The following TRIM24 variants were observed in gnomAD, a reference collection of about 807,000 sequenced individuals.
TRIM24 encodes tripartite motif containing 24, also known as transcription intermediary factor 1-alpha.
In TRIM24, 29 loss-of-function variants were observed where a neutral mutation model predicts 123.9. That is an observed-to-expected ratio of 0.23 (90% CI 0.17 to 0.32). The LOEUF (loss-of-function observed/expected upper bound fraction) is 0.32. Among genes scored for constraint, TRIM24 ranks in the 10% least tolerant of loss-of-function variants. The pLI, the probability that TRIM24 is intolerant of heterozygous loss-of-function variation, is 1.00. For missense variants in TRIM24, 932 were observed against 1,295.3 expected (o/e 0.72, Z 4.31); for synonymous variants, 456 against 461.1 (o/e 0.99, Z 0.14).
chr7:138,483,648 A>G (rs1467781109), intron 1 of TRIM24, among the ~76,000 whole-genome samples: 2 of 152,230 alleles, frequency 1.3e-5, no homozygotes, highest in African/African-American at 4.8e-5. Flanking sequence ...ACAACAGTTT[A>G]TTAGTCACAT....
chr7:138,526,677 C>T (rs1796617086), intron 5 of TRIM24, among the ~76,000 whole-genome samples: 2 of 152,158 alleles, frequency 1.3e-5, no homozygotes, highest in South Asian at 4.1e-4. Flanking sequence ...TCCCAAAGCA[C>T]TGGGATTACA....
intron 7 of TRIM24, among the ~76,000 whole-genome samples, chr7:138,546,197 T>C (rs934122783): frequency 3.9e-5 from 6 of 152,176 alleles, no homozygotes; most frequent in Admixed American, 6.5e-5. Context: ...GTTGACATCC[T>C]ACGTTTCCTG....
chr7:138,539,762 T>A (rs545824201), intron 7 of TRIM24, among the ~76,000 whole-genome samples: 24 of 151,958 alleles, frequency 1.6e-4, no homozygotes, highest in Non-Finnish European at 2.9e-4. Context: ...TAGTATTATG[T>A]TTTTTAAAAA....
intron 6 of TRIM24, among the ~76,000 whole-genome samples, chr7:138,536,258 A>G (rs904167122): frequency 6.6e-6 from 1 of 152,162 alleles, no homozygotes; most frequent in African/African-American, 2.4e-5. Flanking sequence ...GTTGCTGTCT[A>G]GGAGCTGCGT....
At chr7:138,565,703 C>T (rs1399321563) in intron 9 of TRIM24, among the ~76,000 whole-genome samples, 3 of 152,180 alleles carry the variant, frequency 2.0e-5, no homozygotes, top group East Asian at 3.9e-4. Flanking sequence ...AAAGGCTAGG[C>T]CCTGAACAAA....
At chr7:138,563,457 C>G (rs1022910574) in intron 9 of TRIM24, among the ~76,000 whole-genome samples, 3 of 152,188 alleles carry the variant, frequency 2.0e-5, no homozygotes, top group Non-Finnish European at 4.4e-5. Context: ...CACCCTCTTG[C>G]AATGCTAGTT....
intron 2 of TRIM24, among the ~76,000 whole-genome samples, chr7:138,508,722 T>TGTGC (rs1554436726): frequency 0.025 from 3,041 of 124,082 alleles, 49 homozygotes; most frequent in Non-Finnish European, 0.03. Context: ...TGTGTGTGCG[T>TGTGC]GTGTGTGTGT....
intron 7 of TRIM24, among the ~76,000 whole-genome samples, chr7:138,539,219 TGTCTAAC>T (rs1796952623): frequency 6.6e-6 from 1 of 152,148 alleles, no homozygotes; most frequent in Non-Finnish European, 1.5e-5. Flanking sequence ...TTATGTAACA[TGTCTAAC>T]ATCACACAAT....
At chr7:138,509,721 A>AAAAAAAT (rs1796246037) in intron 2 of TRIM24, among the ~76,000 whole-genome samples, 1 of 148,636 alleles carries the variant, frequency 6.7e-6, no homozygotes, top group Non-Finnish European at 1.5e-5. Context: ...AAAAAAAAAA[A>AAAAAAAT]GGAAAAAGAA....
Position 138,585,498 on chromosome 7 carries a change from ACAG to A in TRIM24, c.*548_*550del, listed in dbSNP as rs1263994518. 4.5e-5 allele frequency: 14 copies of A among 310,570 alleles called. No homozygotes were observed. The highest frequency in any genetic ancestry group is 7.3e-5 in the South Asian group (2 of 27,242). The allele number at this position is 310,570 out of a possible 1,614,324, so 19.2% of individuals were successfully genotyped here. On this transcript the variant is annotated 3_prime_UTR_variant, in exon 19 of 19. Transcript: ENST00000343526. The stretch of plus-strand genomic sequence containing the variant: ...CCATCCCAGGAGGCCAAACGGTGCA[ACAG>A]AAGGGTAGGTTAGATGCTATTAAGA...
At chr7:138,477,534 A>G (rs746493227) in intron 1 of TRIM24, among the ~76,000 whole-genome samples, 1 of 152,224 alleles carries the variant, frequency 6.6e-6, no homozygotes, top group Non-Finnish European at 1.5e-5. Flanking sequence ...GTTGTTCTGT[A>G]TCAACCAGAT....
At chr7:138,552,436 T>C (rs1364021378) in intron 8 of TRIM24, among the ~76,000 whole-genome samples, 1 of 152,126 alleles carries the variant, frequency 6.6e-6, no homozygotes, top group Non-Finnish European at 1.5e-5. Flanking sequence ...ATTTGCTGAG[T>C]AGAAACACCT....
chr7:138,512,376 C>G (rs1796307952), intron 2 of TRIM24, among the ~76,000 whole-genome samples: 2 of 152,184 alleles, frequency 1.3e-5, no homozygotes, highest in Non-Finnish European at 2.9e-5. Flanking sequence ...TGTGGGTGCT[C>G]CAGCCCCACA....
chr7:138,492,273 CAAAAAAAAA>C lies in TRIM24; in HGVS notation c.365-12000_365-11992del, dbSNP rs34380067. Among the ~76,000 whole-genome samples, 11 of 60,028 alleles carry C rather than the reference CAAAAAAAAA, an allele frequency of 1.8e-4. No homozygotes were observed. The East Asian group carries it at 3.7e-3, about 20-fold the overall frequency. The allele number at this position is 60,028 out of a possible 152,430, so 39.4% of individuals were successfully genotyped here. A position where few individuals can be genotyped will look rare whatever the true frequency, so the allele number is the denominator to read the frequency against. ...GGGCAACAGGATAATACTCTGTCTC[CAAAAAAAAA>C]AAAAAAAAAAAAAAAAGGGAAAGAA... On this transcript the variant is annotated intron_variant, in intron 1 of 18. Coordinates refer to ENST00000343526, the MANE Select transcript of TRIM24 (RefSeq NM_015905.3).
chr7:138,545,159 T>C (rs1399947511), intron 7 of TRIM24, among the ~76,000 whole-genome samples: 1 of 149,356 alleles, frequency 6.7e-6, no homozygotes, highest in Non-Finnish European at 1.5e-5. Flanking sequence ...ATACATAAAA[T>C]CTGCGTGTGT....
At chr7:138,583,313 A>G (rs1298145396) in intron 17 of TRIM24, among the ~76,000 whole-genome samples, 1 of 152,252 alleles carries the variant, frequency 6.6e-6, no homozygotes, top group Non-Finnish European at 1.5e-5. Flanking sequence ...ATGTGAAGAC[A>G]AGTTTTTTCA....
chr7:138,498,229 T>G (rs1362406726), intron 1 of TRIM24, among the ~76,000 whole-genome samples: 1 of 151,890 alleles, frequency 6.6e-6, no homozygotes, highest in Non-Finnish European at 1.5e-5. Flanking sequence ...TTATTTTATT[T>G]TTTATTTTTT....
At position 138,515,359 on chromosome 7, in the gene TRIM24, G is replaced by A; in HGVS notation, c.631G>A (p.Glu211Lys). The change falls in exon 3 of 19, where the codon GAG becomes AAG. Residue 211 changes from glutamate (E) to lysine (K), a missense_variant and splice_region_variant. Around this residue, in one of 7 missense-constraint regions of TRIM24, gnomAD observed 74 missense variants for 163.6 expected, o/e 0.45. Coordinates refer to ENST00000343526, the MANE Select transcript of TRIM24 (RefSeq NM_015905.3). ...CAGACAGAAAGAGGAAGTATCTCCA[G>A]GTAATAAATGAGATCTTTGCATTTT... ...TVRQKEEVSP[E>K]AVGVTSQRPV... 1.2e-6 allele frequency: 2 copies of A among 1,612,492 alleles called. No individual in the cohort carries two copies. The highest frequency in any genetic ancestry group is 1.7e-6 in the Non-Finnish European group (2 of 1,179,014).
Position 138,575,349 on chromosome 7 carries a change from G to A in TRIM24, c.2015-1024G>A, listed in dbSNP as rs559361563. Among the ~76,000 whole-genome samples, 84 of 152,108 alleles carry A rather than the reference G, an allele frequency of 5.5e-4. 1 individual carries two copies. Among genetic ancestry groups the A allele is most frequent in the Non-Finnish European group, 6.2e-4 (42 of 68,036 alleles). On this transcript the variant is annotated intron_variant, in intron 12 of 18. Transcript: ENST00000343526. ...GCAGGGTCTCACTCTGTTGCCCAGG[G>A]TGTAGCAATCATGGTTCACTGCAGC... is the stretch of plus-strand genomic sequence containing the variant.
Sources: gnomAD v4.1 joint callset for allele counts (sites outside exome capture counted in the v4.1 genomes callset) on GRCh38, gnomAD v4.1.1 for gene constraint, gnomAD v4.1.1 regional missense constraint, MANE v1.5 for transcripts, NCBI Gene and HGNC (gene_info 2026-07-23, HGNC 2026-07-21) for gene names.